Variants in PTAFR observed in about 807,000 individuals in gnomAD.
PTAFR encodes platelet activating factor receptor.
In PTAFR, 8 loss-of-function variants were observed where a neutral mutation model predicts 14.7. The observed-to-expected ratio is 0.54, with a 90% CI of 0.32 to 0.98. PTAFR has a LOEUF of 0.98. Ranked by LOEUF, PTAFR falls within the 50% of genes least tolerant of loss-of-function variation. The pLI is 0.04. For missense variants in PTAFR, 337 were observed against 451.2 expected (o/e 0.75, Z 2.29); for synonymous variants, 156 against 176.5 (o/e 0.88, Z 0.92).
At chr1:28,174,740 G>T in intron 1 of PTAFR, among the ~76,000 whole-genome samples, 1 of 152,178 alleles carries the variant, frequency 6.6e-6, no homozygotes, top group East Asian at 1.9e-4. Context: ...TAAGGATAAA[G>T]GATACAACAG....
intron 1 of PTAFR, among the ~76,000 whole-genome samples, chr1:28,184,238 G>A (rs962542248): frequency 6.6e-6 from 1 of 151,738 alleles, no homozygotes; most frequent in Non-Finnish European, 1.5e-5. Flanking sequence ...AATTACAGGT[G>A]TGCACCACCA....
intron 1 of PTAFR, among the ~76,000 whole-genome samples, chr1:28,185,241 A>G (rs1646596788): frequency 6.6e-6 from 1 of 152,216 alleles, no homozygotes; most frequent in Admixed American, 6.5e-5. Flanking sequence ...TGCCTGGCAC[A>G]TTGCAGGTGC....
chr1:28,157,630 AT>A (rs1197395346), intron 1 of PTAFR, among the ~76,000 whole-genome samples: 1,701 of 131,038 alleles, frequency 0.013, 17 homozygotes, highest in African/African-American at 0.038. Flanking sequence ...ATTAATTTTG[AT>A]TTTTTTTTTT....
In PTAFR at chr1:28,172,408, G is replaced by A. The variant is rs755503218; in HGVS notation, c.-39+4184C>T. ...GTCCTCGTGGCCAGTCCAGGACCCC[G>A]TCCAGGGAAAAAAGCAGGGCTGGGC... On this transcript the variant is annotated intron_variant, in intron 1 of 1. Transcript: ENST00000373857. Among the ~76,000 whole-genome samples, 18 of 152,250 alleles carry A rather than the reference G, an allele frequency of 1.2e-4. 1 individual carries two copies. Among genetic ancestry groups the A allele is most frequent in the East Asian group, 9.6e-4 (5 of 5,182 alleles).
chr1:28,158,088 G>A (rs930534121), intron 1 of PTAFR, among the ~76,000 whole-genome samples: 2 of 152,166 alleles, frequency 1.3e-5, no homozygotes, highest in South Asian at 2.1e-4. Context: ...AACAGACCCA[G>A]CCCTTGAGCA....
chr1:28,188,244 G>A (rs181167505), intron 1 of PTAFR, among the ~76,000 whole-genome samples: 11 of 152,272 alleles, frequency 7.2e-5, no homozygotes, highest in South Asian at 6.2e-4. Flanking sequence ...CCAGGAGTTC[G>A]AGACCAGCTT....
intron 1 of PTAFR, among the ~76,000 whole-genome samples, chr1:28,166,085 G>A (rs140824124): frequency 0.021 from 3,245 of 152,206 alleles, 114 homozygotes; most frequent in African/African-American, 0.073. Context: ...TAATCAAAAT[G>A]GTTTGGACTG....
At chr1:28,165,347 T>C (rs1184282505) in intron 1 of PTAFR, among the ~76,000 whole-genome samples, 1 of 123,948 alleles carries the variant, frequency 8.1e-6, no homozygotes, top group Non-Finnish European at 1.6e-5. Flanking sequence ...GAGGCTGCAG[T>C]GAGCCAAGAT....
At chr1:28,169,751 G>A (rs1045481900) in intron 1 of PTAFR, among the ~76,000 whole-genome samples, 2 of 152,290 alleles carry the variant, frequency 1.3e-5, no homozygotes, top group Admixed American at 1.3e-4. Flanking sequence ...TGTAATCCCA[G>A]CACTTTGGGA....
chr1:28,165,840 C>T (rs1348389721), intron 1 of PTAFR, among the ~76,000 whole-genome samples: 1 of 152,038 alleles, frequency 6.6e-6, no homozygotes, highest in East Asian at 1.9e-4. Context: ...GGAAAGACAT[C>T]CCAAGTTCAT....
intron 1 of PTAFR, among the ~76,000 whole-genome samples, chr1:28,173,129 G>A (rs568661477): frequency 1.1e-4 from 14 of 122,954 alleles, no homozygotes; most frequent in African/African-American, 2.9e-4. Flanking sequence ...AAAAAAAAAA[G>A]TTTTTTAAAT....
intron 1 of PTAFR, among the ~76,000 whole-genome samples, chr1:28,163,517 CTG>C (rs1646348913): frequency 6.6e-6 from 1 of 152,324 alleles, no homozygotes; most frequent in African/African-American, 2.4e-5. Context: ...AACAAGGTCT[CTG>C]GAGTCAGAAA....
chr1:28,193,650 C>T (rs905908), intron 1 of PTAFR: 63,345 of 152,496 alleles, frequency 0.42, 14,641 homozygotes, highest in African/African-American at 0.62. Flanking sequence ...CTGAGCAGCC[C>T]TGGGGATTCT....
intron 1 of PTAFR, among the ~76,000 whole-genome samples, chr1:28,166,644 C>G (rs1413143729): frequency 6.6e-6 from 1 of 151,296 alleles, no homozygotes; most frequent in East Asian, 1.9e-4. Flanking sequence ...GCACTCCAGC[C>G]TGGGAAACAG....
chr1:28,166,683 A>G (rs1646389163), intron 1 of PTAFR, among the ~76,000 whole-genome samples: 1 of 151,870 alleles, frequency 6.6e-6, no homozygotes, highest in Non-Finnish European at 1.5e-5. Flanking sequence ...AAAAAAAAAA[A>G]GCTTCACAAC....
intron 1 of PTAFR, among the ~76,000 whole-genome samples, chr1:28,163,664 A>C (rs1350123452): frequency 3.3e-5 from 5 of 152,256 alleles, no homozygotes; most frequent in Non-Finnish European, 7.3e-5. Context: ...ATAAGTATGC[A>C]AAGTGGCTGG....
intron 1 of PTAFR, among the ~76,000 whole-genome samples, chr1:28,183,845 C>T (rs1330690255): frequency 1.3e-5 from 2 of 151,682 alleles, no homozygotes; most frequent in Non-Finnish European, 2.9e-5. Context: ...CAAGATCACC[C>T]CACTGCACTC....
rs759446665 is a variant in PTAFR at position 28,150,559 on chromosome 1, G to A, written c.463C>T (p.Leu155=). ...IVGAASYFLI[L]DSTNTVPDSA... is the part of the protein sequence containing the mutation. ...TCGGGCACTGTGTTGGTGGAGTCCA[G>A]GATGAGGAAGTAGGATGCAGCTCCC... The change falls in exon 2 of 2, where the codon CTG becomes TTG. Residue 155 remains leucine (L), a synonymous_variant. Transcript: ENST00000373857. The surrounding 1 kb of genome is among the most constrained non-coding windows in gnomAD (Gnocchi z 6.3). 1 of 1,614,218 alleles carries A rather than the reference G, an allele frequency of 6.2e-7. No individual in the cohort carries two copies. The highest frequency in any genetic ancestry group is 1.1e-5 in the South Asian group (1 of 91,086).
intron 1 of PTAFR, among the ~76,000 whole-genome samples, chr1:28,153,825 T>C (rs1646226446): frequency 6.6e-6 from 1 of 151,658 alleles, no homozygotes; most frequent in Admixed American, 6.6e-5. Context: ...GAGGCGGAGA[T>C]TGCAGTAAGC....
Sources: gnomAD v4.1 joint callset for allele counts (sites outside exome capture counted in the v4.1 genomes callset) on GRCh38, gnomAD v4.1.1 for gene constraint, Gnocchi (gnomAD v3.1) non-coding constraint, MANE v1.5 for transcripts, NCBI Gene and HGNC (gene_info 2026-07-23, HGNC 2026-07-21) for gene names.